The following IGSF11 variants were observed in gnomAD, a reference collection of about 807,000 sequenced individuals.
IGSF11 encodes the protein immunoglobulin superfamily member 11.
A neutral mutation model predicts 41.0 loss-of-function variants in IGSF11; 22 were observed. The ratio of observed to expected loss-of-function variants is 0.54; its 90% CI spans 0.38 to 0.77. The LOEUF (loss-of-function observed/expected upper bound fraction) is 0.77. IGSF11 is among the 30% of genes least tolerant of loss of function. The probability of loss-of-function intolerance (pLI) is 0.00; values close to 1 mark genes in which losing one functional copy is unlikely to be tolerated. For missense variants in IGSF11, 444 were observed against 530.8 expected (o/e 0.84, Z 1.61); for synonymous variants, 219 against 201.3 (o/e 1.09, Z -0.74).
chr3:119,028,530 A>T (rs955804973), intron 1 of IGSF11, among the ~76,000 whole-genome samples: 10 of 152,224 alleles, frequency 6.6e-5, no homozygotes, highest in African/African-American at 2.4e-4. Context: ...TCAAGGTTCT[A>T]CAGAAATTGC....
chr3:119,039,210 AGTTCT>A (rs1181964210), upstream of IGSF11, among the ~76,000 whole-genome samples: 1 of 152,252 alleles, frequency 6.6e-6, no homozygotes, highest in African/African-American at 2.4e-5. Context: ...AATGTGTTAT[AGTTCT>A]TGAGGTCAGA....
chr3:118,933,862 C>T (rs567012572), intron 1 of IGSF11, among the ~76,000 whole-genome samples: 21 of 152,112 alleles, frequency 1.4e-4, no homozygotes, highest in Non-Finnish European at 2.6e-4. Context: ...CCGCCTCACC[C>T]TCATCTCCCT....
chr3:118,918,059 C>G (rs1485944357), intron 4 of IGSF11, among the ~76,000 whole-genome samples: 1 of 132,350 alleles, frequency 7.6e-6, no homozygotes, highest in Non-Finnish European at 1.5e-5. Context: ...ATTCAACAAC[C>G]CTTCATGCTA....
chr3:119,047,653 G>A (rs1418586961), intron 1 of IGSF11, among the ~76,000 whole-genome samples: 7 of 152,120 alleles, frequency 4.6e-5, no homozygotes, highest in Admixed American at 4.6e-4. Flanking sequence ...GGACGTAATA[G>A]ACATCTACAG....
chr3:119,137,110 G>T (rs570166252), intron 1 of IGSF11, among the ~76,000 whole-genome samples: 1 of 152,002 alleles, frequency 6.6e-6, no homozygotes, highest in Admixed American at 6.6e-5. Context: ...CATGTTCATG[G>T]ATTAAAAGAA....
At chr3:118,983,185 T>C (rs1934914621) in intron 1 of IGSF11, 1 of 152,234 alleles carries the variant, frequency 6.6e-6, no homozygotes, top group African/African-American at 2.4e-5. Context: ...GTATGTATAA[T>C]TAACTAACAT....
intron 1 of IGSF11, among the ~76,000 whole-genome samples, chr3:119,048,701 C>T (rs867457220): frequency 1.3e-5 from 2 of 151,880 alleles, no homozygotes; most frequent in Non-Finnish European, 2.9e-5. Context: ...CAAAAAAAGA[C>T]AATTTTAGAC....
intron 1 of IGSF11, among the ~76,000 whole-genome samples, chr3:118,977,719 GC>G (rs911491033): frequency 1.3e-5 from 2 of 152,116 alleles, no homozygotes; most frequent in Admixed American, 6.5e-5. Context: ...CCAGGGGAGA[GC>G]CCTTTGACCC....
chr3:119,118,141 C>G (rs1045385710), intron 1 of IGSF11, among the ~76,000 whole-genome samples: 2 of 152,220 alleles, frequency 1.3e-5, no homozygotes, highest in African/African-American at 4.8e-5. Flanking sequence ...GCCCTCTTCT[C>G]ACAGCTCCAC....
chr3:119,020,897 T>C (rs1939219970), intron 1 of IGSF11, among the ~76,000 whole-genome samples: 1 of 152,254 alleles, frequency 6.6e-6, no homozygotes, highest in Non-Finnish European at 1.5e-5. Flanking sequence ...ACTACAGTTA[T>C]AATTCCAACT....
In IGSF11 at chr3:118,963,049, C is replaced by T. The variant is rs554656918; in HGVS notation, c.53-32774G>A. Among the ~76,000 whole-genome samples, 10 of 152,266 alleles carry T rather than the reference C, an allele frequency of 6.6e-5. No homozygotes were observed. The East Asian group carries it at 1.9e-3, about 29-fold the overall frequency. ...AGATGATTGGACAATTAGAAGCCCA[C>T]ACTGCCCACTCTAGGTGAGCCATAG... is the stretch of plus-strand genomic sequence containing the variant. On this transcript the variant is annotated intron_variant, in intron 1 of 6. Coordinates refer to ENST00000393775, the MANE Select transcript of IGSF11 (RefSeq NM_001015887.3).
intron 1 of IGSF11, among the ~76,000 whole-genome samples, chr3:118,934,093 G>A (rs1190920867): frequency 6.6e-6 from 1 of 152,256 alleles, no homozygotes; most frequent in East Asian, 1.9e-4. Context: ...GTCCTCACCA[G>A]GGAGGCCCTA....
chr3:118,991,688 A>C (rs1935807244), intron 1 of IGSF11, among the ~76,000 whole-genome samples: 1 of 152,240 alleles, frequency 6.6e-6, no homozygotes, highest in Admixed American at 6.5e-5. Context: ...ATAAATGCTC[A>C]CGTATAAGAG....
chr3:118,912,362 T>A (rs1342468144), intron 4 of IGSF11, among the ~76,000 whole-genome samples: 4 of 152,142 alleles, frequency 2.6e-5, no homozygotes, highest in Non-Finnish European at 5.9e-5. Flanking sequence ...TGGGTGTCAT[T>A]CCAGGAAGGA....
rs1553713302 is a variant in IGSF11 at position 119,017,039 on chromosome 3, C to CCAAAA, written c.52+17491_52+17492insTTTTG. ...TGAGCAAAGTTAAATGGACGCAGGA[C>CCAAAA]AAAAAAAAAAAAAAAAAAGCCAACT... On this transcript the variant is annotated intron_variant, in intron 1 of 6. Transcript: ENST00000393775. Among the ~76,000 whole-genome samples, 3 of 88,318 alleles carry CCAAAA rather than the reference C, an allele frequency of 3.4e-5. 1 individual carries two copies. Among genetic ancestry groups the CCAAAA allele is most frequent in the Non-Finnish European group, 5.0e-5 (2 of 40,014 alleles). The allele number at this position is 88,318 out of a possible 152,430, so 57.9% of individuals were successfully genotyped here.
At chr3:118,912,475 T>A (rs983608802) in intron 4 of IGSF11, among the ~76,000 whole-genome samples, 1 of 152,088 alleles carries the variant, frequency 6.6e-6, no homozygotes, top group Non-Finnish European at 1.5e-5. Flanking sequence ...TCTCCAATCA[T>A]CTCACTCACC....
chr3:118,939,693 A>G (rs570357237), intron 1 of IGSF11, among the ~76,000 whole-genome samples: 3 of 152,320 alleles, frequency 2.0e-5, no homozygotes, highest in Non-Finnish European at 4.4e-5. Context: ...ATTTATGGGG[A>G]AGCAACCAAA....
chr3:118,933,038 G>C (rs1364933700), intron 1 of IGSF11, among the ~76,000 whole-genome samples: 1 of 152,254 alleles, frequency 6.6e-6, no homozygotes, highest in Non-Finnish European at 1.5e-5. Context: ...GAAGGCAACA[G>C]GACGGTTGGC....
In IGSF11 at chr3:119,072,923, G is replaced by A. The variant is rs182771563; in HGVS notation, c.49+32221C>T. Among the ~76,000 whole-genome samples, 20 of 152,224 alleles carry A rather than the reference G, an allele frequency of 1.3e-4. No homozygotes were observed. The South Asian group carries it at 1.7e-3, about 13-fold the overall frequency. On this transcript the variant is annotated intron_variant, in intron 1 of 6. Transcript: ENST00000354673. ...TATTTTACAGAGAGCTGATTGGTCC[G>A]TTTTGACCGGGTGCTGATTGGTGCA... is the stretch of plus-strand genomic sequence containing the variant.
Sources: gnomAD v4.1 joint callset for allele counts (sites outside exome capture counted in the v4.1 genomes callset) on GRCh38, gnomAD v4.1.1 for gene constraint, MANE v1.5 for transcripts, NCBI Gene and HGNC (gene_info 2026-07-23, HGNC 2026-07-21) for gene names.